The following GGA2 variants were observed in gnomAD, a reference collection of about 807,000 sequenced individuals.
GGA2 encodes ADP-ribosylation factor-binding protein GGA2.
GGA2 carries 48 observed loss-of-function variants against 79.5 expected under a neutral mutation model. The ratio of observed to expected loss-of-function variants is 0.60; its 90% CI spans 0.48 to 0.77. The LOEUF (loss-of-function observed/expected upper bound fraction) is 0.77, where lower values mean the gene tolerates loss of function less well. Ranked by LOEUF, GGA2 falls within the 30% of genes least tolerant of loss-of-function variation. The pLI is 0.00. For synonymous variants in GGA2, 317 were observed against 302.0 expected (o/e 1.05, Z -0.51); for missense variants, 770 against 774.0 (o/e 0.99, Z 0.06).
At chr16:23,489,794 C>T (rs529630549) in intron 5 of GGA2, among the ~76,000 whole-genome samples, 95 of 152,214 alleles carry the variant, frequency 6.2e-4, no homozygotes, top group African/African-American at 2.2e-4. Flanking sequence ...GGCCTGAAGG[C>T]GGGATTAGGG....
exon 1 of GGA2, chr16:23,521,883 G>C: frequency 2.2e-6 from 1 of 455,802 alleles, no homozygotes; most frequent in Non-Finnish European, 4.4e-6. Flanking sequence ...AGTTAAGCTT[G>C]GACTCTGGAT....
chr16:23,502,757 G>A (rs1278004899), intron 1 of GGA2, among the ~76,000 whole-genome samples: 1 of 152,194 alleles, frequency 6.6e-6, no homozygotes, highest in Non-Finnish European at 1.5e-5. Flanking sequence ...AGTCAACAAT[G>A]GGAATCCTAT....
chr16:23,484,931 T>C (rs1964693171), intron 8 of GGA2, among the ~76,000 whole-genome samples: 1 of 152,222 alleles, frequency 6.6e-6, no homozygotes, highest in Non-Finnish European at 1.5e-5. Context: ...TCATTATTCG[T>C]AATGAATAAT....
chr16:23,486,770 C>T lies in GGA2; in HGVS notation c.600G>A (p.Lys200=), dbSNP rs1596985616. Residue 200 remains lysine (K), a synonymous_variant, in exon 7 of 17, where the codon AAG becomes AAA. Transcript: ENST00000309859. ...EKSKLLTRLL[K]SNHPEDLQAA... ...CCTGAAGGTCCTCGGGGTGGTTGCT[C>T]TTTAGAAGCCTTGTCAGAAGCTGCA... 1.2e-6 allele frequency: 2 copies of T among 1,609,946 alleles called. No individual in the cohort carries two copies. The highest frequency in any genetic ancestry group is 1.1e-5 in the South Asian group (1 of 90,998).
chr16:23,480,912 C>T (rs528251772), intron 9 of GGA2, 142 bp from the exon 10 acceptor site: 16 of 756,868 alleles, frequency 2.1e-5, no homozygotes, highest in Admixed American at 9.8e-5. Flanking sequence ...GTTGTGTCAT[C>T]GGACCCTATC....
chr16:23,482,799 C>G, intron 9 of GGA2, 124 bp downstream of exon 9: 1 of 697,190 alleles, frequency 1.4e-6, no homozygotes, highest in Non-Finnish European at 2.6e-6. Flanking sequence ...ACACCCTCCC[C>G]AAGCCCAAGC....
At chr16:23,488,529 G>C (rs1001477538) in intron 6 of GGA2, 77 bp downstream of exon 6, 2 of 866,450 alleles carry the variant, frequency 2.3e-6, no homozygotes, top group African/African-American at 3.3e-5. Context: ...TCCATACTCC[G>C]ATTCAAGCAT....
rs551451850 is a variant in GGA2, at chr16:23,469,108, C to T, written c.1621-112G>A. On this transcript the variant is annotated intron_variant, in intron 15 of 16. Coordinates refer to ENST00000309859, the MANE Select transcript of GGA2 (RefSeq NM_015044.4). ...CAACACCCCTCCAAGAGGAAATGGCCCTCTTAAACGTGGTACCCCGAGGCA... is the reference window on the plus strand; with the variant it reads ...CAACACCCCTCCAAGAGGAAATGGCTCTCTTAAACGTGGTACCCCGAGGCA... 4.6e-5 allele frequency: 31 copies of T among 672,050 alleles called. No homozygotes were observed. The South Asian group carries it at 5.0e-4, about 11-fold the overall frequency. 41.6% of individuals were successfully genotyped at this position (672,050 alleles called of 1,614,324 possible).
At chr16:23,489,841 G>A (rs1347522624) in intron 5 of GGA2, among the ~76,000 whole-genome samples, 3 of 152,068 alleles carry the variant, frequency 2.0e-5, no homozygotes, top group Non-Finnish European at 4.4e-5. Flanking sequence ...TTAGAGCACC[G>A]GTGGAACCCA....
At chr16:23,501,248 T>A (rs1216875517) in intron 1 of GGA2, 1 of 453,326 alleles carries the variant, frequency 2.2e-6, no homozygotes, top group Non-Finnish European at 4.4e-6. Flanking sequence ...CGAACGACTT[T>A]TAACTAATGG....
rs1964406720 is a variant in GGA2 at position 23,464,243 on chromosome 16, T to C, written c.*3347A>G. On this transcript the variant is annotated 3_prime_UTR_variant, in exon 17 of 17. Transcript: ENST00000309859. ...GTGGCTCACAGATAAGGAAACATTT[T>C]TGCCCAGTCTTAAGTTCATGGAAGA... 2 of 152,212 alleles carry C rather than the reference T, an allele frequency of 1.3e-5. No individual in the cohort carries two copies. The highest frequency in any genetic ancestry group is 2.4e-5 in the African/African-American group (1 of 41,446). 9.4% of individuals were successfully genotyped at this position (152,212 alleles called of 1,614,324 possible). A position where few individuals can be genotyped will look rare whatever the true frequency, so the allele number is the denominator to read the frequency against.
chr16:23,493,989 T>C (rs939962442), intron 3 of GGA2: 1 of 396,066 alleles, frequency 2.5e-6, no homozygotes, highest in Non-Finnish European at 4.6e-6. Flanking sequence ...TAGTGGGCCC[T>C]GTGCTAGAAC....
Position 23,467,619 on chromosome 16 carries a change from G to C in GGA2, c.1813C>G (p.Pro605Ala), listed in dbSNP as rs753484122. 6.9e-6 allele frequency: 11 copies of C among 1,598,572 alleles called. No individual in the cohort carries two copies. The Admixed American group carries it at 8.3e-5, about 12-fold the overall frequency. Residue 605 changes from proline to alanine, a missense_variant, in exon 17 of 17, where the codon CCA becomes GCA. By Grantham distance (27) the Pro-to-Ala change is conservative. Transcript: ENST00000309859. ...GCTGCGCCCAAGACAGCCAGGTCTG[G>C]GAAGTCTTTCACTTCTCCTACTTCG... ...FSEVGEVKDF[P>A]DLAVLGAA
At chr16:23,487,986 G>A (rs902614725) in intron 6 of GGA2, among the ~76,000 whole-genome samples, 1 of 152,178 alleles carries the variant, frequency 6.6e-6, no homozygotes, top group African/African-American at 2.4e-5. Context: ...CCCACTCACA[G>A]GCACCACAGT....
rs528628906 is a variant in GGA2, at chr16:23,495,581, G to A, written c.176+113C>T. Reference sequence around the variant, plus strand: ...CAAACTGTTGGGATTATAGGCATGAGCCACCGATCCTTGCCTAGAGAGCTT... The same window carrying A: ...CAAACTGTTGGGATTATAGGCATGAACCACCGATCCTTGCCTAGAGAGCTT... On this transcript the variant is annotated intron_variant, in intron 2 of 16. Transcript: ENST00000309859. The A allele has an allele frequency of 3.4e-5, 18 of 527,824 alleles. No homozygotes were observed. In the East Asian group the frequency reaches 5.2e-4, roughly 15 times the overall value. 32.7% of individuals were successfully genotyped at this position (527,824 alleles called of 1,614,324 possible).
intron 6 of GGA2, among the ~76,000 whole-genome samples, chr16:23,487,179 A>G (rs1295472814): frequency 6.6e-6 from 1 of 151,952 alleles, no homozygotes; most frequent in Non-Finnish European, 1.5e-5. Flanking sequence ...ACAGGGTTTC[A>G]CCATGTTGGC....
chr16:23,491,426 G>A (rs553944087), intron 5 of GGA2, among the ~76,000 whole-genome samples: 1 of 151,230 alleles, frequency 6.6e-6, no homozygotes, highest in South Asian at 2.1e-4. Context: ...TCATGCTGTG[G>A]TTTCCTATGA....
At chr16:23,479,956 C>T in intron 10 of GGA2, 69 bp from the exon 11 acceptor site, 1 of 1,478,310 alleles carries the variant, frequency 6.8e-7, no homozygotes, top group Non-Finnish European at 9.3e-7. Context: ...TAAATCCTAT[C>T]AGCTTCCCTC....
intron 13 of GGA2, among the ~76,000 whole-genome samples, chr16:23,475,716 CG>C (rs1273882493): frequency 6.7e-6 from 1 of 150,050 alleles, no homozygotes; most frequent in Non-Finnish European, 1.5e-5. Flanking sequence ...CCAGCCCGGC[CG>C]ACATGGTGAA....
Sources: gnomAD v4.1 joint callset for allele counts (sites outside exome capture counted in the v4.1 genomes callset) on GRCh38, gnomAD v4.1.1 for gene constraint, MANE v1.5 for transcripts, NCBI Gene and HGNC (gene_info 2026-07-23, HGNC 2026-07-21) for gene names.